Variants in DNAJC3 observed in about 807,000 individuals in gnomAD.
The protein encoded by DNAJC3 is dnaJ homolog subfamily C member 3.
Under a neutral mutation model 68.6 loss-of-function variants are expected in DNAJC3, and 38 were observed. That is an observed-to-expected ratio of 0.55 (90% CI 0.43 to 0.73). DNAJC3 has a LOEUF of 0.73. Ranked by LOEUF, DNAJC3 falls within the 30% of genes least tolerant of loss-of-function variation. DNAJC3 has a pLI of 0.00. For missense variants in DNAJC3, 526 were observed against 591.9 expected (o/e 0.89, Z 1.16); for synonymous variants, 203 against 204.0 (o/e 1.00, Z 0.04).
In DNAJC3 at chr13:95,677,182, A is replaced by G. The variant is rs1879774429; in HGVS notation, c.-74A>G. 1.4e-6 allele frequency: 2 copies of G among 1,433,572 alleles called. No homozygotes were observed. Among genetic ancestry groups the G allele is most frequent in the African/African-American group, 1.5e-5 (1 of 68,450 alleles). The allele number at this position is 1,433,572 out of a possible 1,614,324, so 88.8% of individuals were successfully genotyped here. The stretch of plus-strand genomic sequence containing the variant: ...GCGAGAGCCGACGGCGGGCGGGCGC[A>G]GCTGCTGCCGGAGCGCCGGCGCGTG... On this transcript the variant is annotated 5_prime_UTR_variant, in exon 1 of 12. Transcript: ENST00000602402.
At chr13:95,712,370 T>C (rs184613543) in intron 2 of DNAJC3, among the ~76,000 whole-genome samples, 1 of 121,328 alleles carries the variant, frequency 8.2e-6, no homozygotes, top group Admixed American at 8.1e-5. Flanking sequence ...GCCAATGCTT[T>C]TTTCTTTTTT....
At chr13:95,727,299 A>G (rs990322719) in intron 4 of DNAJC3, among the ~76,000 whole-genome samples, 1 of 152,050 alleles carries the variant, frequency 6.6e-6, no homozygotes, top group Non-Finnish European at 1.5e-5. Context: ...TTTCTTCTGG[A>G]TAACTGAGAT....
At chr13:95,689,567 C>CT (rs368824543) in intron 1 of DNAJC3, among the ~76,000 whole-genome samples, 44 of 149,932 alleles carry the variant, frequency 2.9e-4, no homozygotes, top group African/African-American at 8.8e-4. Context: ...GATCCTTTTT[C>CT]TTTTTTTTTC....
chr13:95,691,923 C>T (rs538850325), intron 1 of DNAJC3, among the ~76,000 whole-genome samples: 1,969 of 152,324 alleles, frequency 0.013, 50 homozygotes, highest in African/African-American at 0.045. Flanking sequence ...GGCGTGGCGG[C>T]GCGCGCCTGC....
At chr13:95,761,367 G>C (rs901904481) in intron 7 of DNAJC3, among the ~76,000 whole-genome samples, 1 of 152,080 alleles carries the variant, frequency 6.6e-6, no homozygotes, top group African/African-American at 2.4e-5. Flanking sequence ...TTGTTTGTAG[G>C]GGGTTTATAG....
rs1566521027 is a variant in DNAJC3 at position 95,791,104 on chromosome 13, G to GA, written c.*82dup. On this transcript the variant is annotated 3_prime_UTR_variant, in exon 12 of 12. Coordinates refer to ENST00000602402, the MANE Select transcript of DNAJC3 (RefSeq NM_006260.5). Reference sequence around the variant, plus strand: ...AGAAATCTTGTTCCGGGACCCTAATGAAAAAAAATTTCAAATCTTTTCAGT... The same window carrying GA: ...AGAAATCTTGTTCCGGGACCCTAATGAAAAAAAAATTTCAAATCTTTTCAGT... The GA allele has an allele frequency of 3.7e-5, 57 of 1,552,116 alleles. No homozygotes were observed. Among genetic ancestry groups the GA allele is most frequent in the Non-Finnish European group, 4.7e-5 (54 of 1,144,268 alleles).
rs759729876 is a variant in DNAJC3 at position 95,722,815 on chromosome 13, G to GCCCCCC, written c.194-408_194-403dup. On this transcript the variant is annotated intron_variant, in intron 2 of 11. Transcript: ENST00000602402. Reference sequence around the variant, plus strand: ...AACCTGGGTGACAGACACCTTGTCCGCCCCCCCCCCCCCCCCCCCCCCCCG... The same window carrying GCCCCCC: ...AACCTGGGTGACAGACACCTTGTCCGCCCCCCCCCCCCCCCCCCCCCCCCCCCCCCG... 2.0e-4 allele frequency among the ~76,000 whole-genome samples: 3 copies of GCCCCCC among 15,334 alleles called. 1 individual carries two copies. The highest frequency in any genetic ancestry group is 2.3e-4 in the Non-Finnish European group (2 of 8,850). The allele number at this position is 15,334 out of a possible 152,430, so 10.1% of individuals were successfully genotyped here. A position where few individuals can be genotyped will look rare whatever the true frequency, so the allele number is the denominator to read the frequency against.
At chr13:95,789,590 A>G (rs1041772523) in intron 11 of DNAJC3, among the ~76,000 whole-genome samples, 5 of 152,244 alleles carry the variant, frequency 3.3e-5, no homozygotes, top group African/African-American at 4.8e-5. Context: ...TGTCTTTTCT[A>G]TTGTGAATAG....
At chr13:95,701,726 C>T (rs1224731899) in intron 1 of DNAJC3, among the ~76,000 whole-genome samples, 1 of 152,132 alleles carries the variant, frequency 6.6e-6, no homozygotes. Flanking sequence ...CTCTCCTATA[C>T]CAGCCACTAG....
intron 2 of DNAJC3, among the ~76,000 whole-genome samples, chr13:95,711,135 C>T (rs1457759559): frequency 6.6e-6 from 1 of 152,024 alleles, no homozygotes; most frequent in East Asian, 1.9e-4. Context: ...TTTTATTATT[C>T]AGATTTTTAT....
chr13:95,677,570 C>T (rs1594763975), intron 1 of DNAJC3, among the ~76,000 whole-genome samples: 2 of 152,218 alleles, frequency 1.3e-5, no homozygotes, highest in African/African-American at 2.4e-5. Context: ...ACTAAGGAAC[C>T]GGGCCGCAGG....
At chr13:95,714,808 A>G (rs1025440067) in intron 2 of DNAJC3, among the ~76,000 whole-genome samples, 1 of 152,252 alleles carries the variant, frequency 6.6e-6, no homozygotes, top group Non-Finnish European at 1.5e-5. Context: ...GCAGAAATGT[A>G]TATACCTTCT....
intron 4 of DNAJC3, among the ~76,000 whole-genome samples, chr13:95,737,054 C>G (rs1489496327): frequency 6.6e-6 from 1 of 151,482 alleles, no homozygotes; most frequent in Non-Finnish European, 1.5e-5. Flanking sequence ...TTGTCAAAGG[C>G]TTTTTCTGCA....
intron 1 of DNAJC3, among the ~76,000 whole-genome samples, chr13:95,690,044 G>T (rs1880187046): frequency 6.6e-6 from 1 of 151,096 alleles, no homozygotes; most frequent in African/African-American, 2.4e-5. Flanking sequence ...GGGGGATTTG[G>T]CAGGGTCACA....
intron 2 of DNAJC3, among the ~76,000 whole-genome samples, chr13:95,722,792 C>T (rs1235666984): frequency 3.2e-5 from 4 of 124,368 alleles, no homozygotes; most frequent in Non-Finnish European, 6.7e-5. Flanking sequence ...TGCGCTCCAA[C>T]CTGGGTGACA....
At chr13:95,739,151 C>T (rs1435288555) in intron 4 of DNAJC3, among the ~76,000 whole-genome samples, 1 of 152,022 alleles carries the variant, frequency 6.6e-6, no homozygotes, top group African/African-American at 2.4e-5. Flanking sequence ...GAATATTGGC[C>T]CCCACTCTCT....
In DNAJC3 at chr13:95,725,118, T is replaced by G. The variant is rs1366288753; in HGVS notation, c.319-60T>G. 11 of 1,187,282 alleles carry G rather than the reference T, an allele frequency of 9.3e-6. No homozygotes were observed. The South Asian group carries it at 2.3e-4, about 25-fold the overall frequency. The allele number at this position is 1,187,282 out of a possible 1,614,324, so 73.5% of individuals were successfully genotyped here. ...GTTTATTTAGTTTTATTCTTCGTGT[T>G]TAAAAAAGATTTAGAAATCTATAAT... On this transcript the variant is annotated intron_variant, in intron 3 of 11. Transcript: ENST00000602402.
chr13:95,727,609 C>T (rs990122360), intron 4 of DNAJC3, among the ~76,000 whole-genome samples: 2 of 152,030 alleles, frequency 1.3e-5, no homozygotes, highest in Non-Finnish European at 2.9e-5. Context: ...ATGACAGGTG[C>T]CATTTACCCA....
chr13:95,705,933 A>G (rs898466580), intron 1 of DNAJC3, among the ~76,000 whole-genome samples: 2 of 152,068 alleles, frequency 1.3e-5, no homozygotes, highest in African/African-American at 2.4e-5. Context: ...ACACATGATA[A>G]ATCCAGTCCA....
Sources: allele counts gnomAD v4.1 joint callset (sites outside exome capture counted in the v4.1 genomes callset), GRCh38; gene constraint gnomAD v4.1.1; transcripts MANE v1.5; gene names NCBI Gene and HGNC (gene_info 2026-07-23, HGNC 2026-07-21).